Variants in PTPRT observed in about 807,000 individuals in gnomAD.
The protein encoded by PTPRT is protein tyrosine phosphatase receptor type T.
In PTPRT, 56 loss-of-function variants were observed where a neutral mutation model predicts 176.8. That is an observed-to-expected ratio of 0.32 (90% CI 0.26 to 0.40). The LOEUF (loss-of-function observed/expected upper bound fraction) is 0.40, where lower values mean the gene tolerates loss of function less well. PTPRT is among the 10% of genes least tolerant of loss of function. PTPRT has a pLI of 1.00. For synonymous variants in PTPRT, 783 were observed against 739.0 expected (o/e 1.06, Z -0.96); for missense variants, 1,540 against 1,908.2 (o/e 0.81, Z 3.60).
rs1403222406 is a variant in PTPRT at position 43,076,436 on chromosome 20, A to AG, written c.88+113209_88+113210insC. ...ATGCAAGCCAAATGAAACCAAAAAA[A>AG]AAAATACTTCAGGAAAAGAAGAAGC... On this transcript the variant is annotated intron_variant, in intron 1 of 30. Transcript: ENST00000373187. Among the ~76,000 whole-genome samples the AG allele has an allele frequency of 3.3e-5, 5 of 152,058 alleles. No homozygotes were observed. The East Asian group carries it at 9.7e-4, about 29-fold the overall frequency.
chr20:42,850,049 G>A (rs566628729), intron 2 of PTPRT, among the ~76,000 whole-genome samples: 1 of 152,118 alleles, frequency 6.6e-6, no homozygotes, highest in African/African-American at 2.4e-5. Context: ...ATTTCTCCCT[G>A]GGCTGCATGT....
At chr20:42,098,594 T>C in intron 26 of PTPRT, 42 bp from the exon 27 acceptor site, 2 of 1,610,882 alleles carry the variant, frequency 1.2e-6, no homozygotes, top group Non-Finnish European at 1.7e-6. Context: ...TACACATCCA[T>C]CAGTGATATT....
At chr20:42,212,986 G>T (rs2055680858) in intron 15 of PTPRT, among the ~76,000 whole-genome samples, 2 of 152,066 alleles carry the variant, frequency 1.3e-5, no homozygotes, top group South Asian at 4.2e-4. Context: ...AATTGGTCTG[G>T]GGTGCAGCCT....
chr20:42,074,838 T>C lies in PTPRT; in HGVS notation c.*6041A>G, dbSNP rs2146052411. On this transcript the variant is annotated 3_prime_UTR_variant, in exon 31 of 31. Transcript: ENST00000373187. ...ACTGGCTTGATCTCTACAAGACATC[T>C]CTATAGTCAGTGCCATGCAAAAGCC... 1 of 398,630 alleles carries C rather than the reference T, an allele frequency of 2.5e-6. No homozygotes were observed. Among genetic ancestry groups the C allele is most frequent in the South Asian group, 1.3e-4 (1 of 7,850 alleles). The allele number at this position is 398,630 out of a possible 1,614,324, so 24.7% of individuals were successfully genotyped here.
chr20:43,146,990 T>C (rs1234795487), intron 1 of PTPRT, among the ~76,000 whole-genome samples: 1 of 152,128 alleles, frequency 6.6e-6, no homozygotes, highest in South Asian at 2.1e-4. Flanking sequence ...CTGACTCCCA[T>C]CTCACTCGCC....
intron 19 of PTPRT, among the ~76,000 whole-genome samples, chr20:42,125,451 G>A (rs1400897911): frequency 6.6e-6 from 1 of 152,180 alleles, no homozygotes; most frequent in Non-Finnish European, 1.5e-5. Context: ...CTGAGATTGA[G>A]CCTGGAGTTC....
At chr20:42,434,927 T>G (rs1056292834) in intron 9 of PTPRT, among the ~76,000 whole-genome samples, 2 of 151,700 alleles carry the variant, frequency 1.3e-5, no homozygotes, top group Non-Finnish European at 2.9e-5. Context: ...ATTGCATCAC[T>G]GCACTCTAGC....
intron 2 of PTPRT, among the ~76,000 whole-genome samples, chr20:42,814,980 A>C (rs990992297): frequency 4.6e-5 from 7 of 152,184 alleles, no homozygotes; most frequent in African/African-American, 1.7e-4. Flanking sequence ...AAGAAAAATG[A>C]AGAGTTAAGT....
chr20:42,264,839 CTGAGGCCCT>C (rs2056811800), intron 13 of PTPRT, among the ~76,000 whole-genome samples: 1 of 152,224 alleles, frequency 6.6e-6, no homozygotes. Context: ...TGCCCCAGGC[CTGAGGCCCT>C]GATGGGCTCT....
intron 1 of PTPRT, among the ~76,000 whole-genome samples, chr20:42,965,257 T>C (rs966152372): frequency 2.0e-5 from 3 of 152,336 alleles, no homozygotes; most frequent in Admixed American, 2.0e-4. Flanking sequence ...CCCGGATTTA[T>C]AGTATTTGCT....
In PTPRT at chr20:42,512,892, T is replaced by C. The variant is rs573853011; in HGVS notation, c.1154-40330A>G. The stretch of plus-strand genomic sequence containing the variant: ...TTTGTTTTTTGAGACAGAGTTTCGC[T>C]CTTGTTGCCCAGACTGGAGTGCAAT... On this transcript the variant is annotated intron_variant, in intron 7 of 30. Transcript: ENST00000373187. 4.6e-5 allele frequency among the ~76,000 whole-genome samples: 7 copies of C among 152,266 alleles called. No homozygotes were observed. In the South Asian group the frequency reaches 1.5e-3, roughly 32 times the overall value.
intron 6 of PTPRT, among the ~76,000 whole-genome samples, chr20:42,717,313 A>G (rs2076240543): frequency 6.6e-6 from 1 of 152,192 alleles, no homozygotes; most frequent in African/African-American, 2.4e-5. Context: ...AAATAGATCT[A>G]CAGAAAAAAA....
At chr20:42,632,446 A>G (rs2074431084) in intron 7 of PTPRT, among the ~76,000 whole-genome samples, 1 of 151,944 alleles carries the variant, frequency 6.6e-6, no homozygotes, top group Admixed American at 6.6e-5. Flanking sequence ...GCTGGTCTCG[A>G]ACTCCTGACT....
Position 42,417,604 on chromosome 20 carries a change from T to TA in PTPRT, c.1560+30615dup, listed in dbSNP as rs918100621. Among the ~76,000 whole-genome samples, 28 of 147,744 alleles carry TA rather than the reference T, an allele frequency of 1.9e-4. No homozygotes were observed. In the East Asian group the frequency reaches 3.8e-3, roughly 20 times the overall value. The stretch of plus-strand genomic sequence containing the variant: ...TAACAGTTAGAGAAAAATAATGAAA[T>TA]AAAAAAAAATGGACAAGCTAATATC... On this transcript the variant is annotated intron_variant, in intron 9 of 30. Coordinates refer to ENST00000373187, the MANE Select transcript of PTPRT (RefSeq NM_007050.6).
intron 6 of PTPRT, among the ~76,000 whole-genome samples, chr20:42,729,971 G>A (rs1007648909): frequency 2.6e-5 from 4 of 152,150 alleles, no homozygotes; most frequent in Non-Finnish European, 4.4e-5. Context: ...GCCACGCACT[G>A]TGCTATGAGC....
intron 2 of PTPRT, among the ~76,000 whole-genome samples, chr20:42,851,406 C>G (rs911456501): frequency 2.0e-5 from 3 of 152,196 alleles, no homozygotes; most frequent in African/African-American, 7.2e-5. Flanking sequence ...TTACTCAACT[C>G]TAATCATCAC....
chr20:42,097,844 T>C (rs1985419298), intron 27 of PTPRT, among the ~76,000 whole-genome samples: 1 of 152,206 alleles, frequency 6.6e-6, no homozygotes, highest in Non-Finnish European at 1.5e-5. Flanking sequence ...TCCTGTGTCC[T>C]GAGTATGGGG....
intron 16 of PTPRT, among the ~76,000 whole-genome samples, chr20:42,184,978 A>G (rs959836428): frequency 6.6e-6 from 1 of 152,004 alleles, no homozygotes; most frequent in Non-Finnish European, 1.5e-5. Context: ...CTTCTCACCT[A>G]GAAGAATTTG....
At chr20:42,987,618 A>G (rs56246210) in intron 1 of PTPRT, among the ~76,000 whole-genome samples, 33,209 of 150,930 alleles carry the variant, frequency 0.22, 3,844 homozygotes, top group African/African-American at 0.24. Flanking sequence ...CACCTCAGAC[A>G]CTCACCCCGC....
Sources: gnomAD v4.1 joint callset for allele counts (sites outside exome capture counted in the v4.1 genomes callset) on GRCh38, gnomAD v4.1.1 for gene constraint, MANE v1.5 for transcripts, NCBI Gene and HGNC (gene_info 2026-07-23, HGNC 2026-07-21) for gene names.